The following FAM13B variants were observed in gnomAD, a reference collection of about 807,000 sequenced individuals.
The protein encoded by FAM13B is family with sequence similarity 13 member B, also known as protein FAM13B.
Under a neutral mutation model 117.3 loss-of-function variants are expected in FAM13B, and 60 were observed. The ratio of observed to expected loss-of-function variants is 0.51; its 90% CI spans 0.42 to 0.63. The LOEUF (loss-of-function observed/expected upper bound fraction) is 0.63, where lower values mean the gene tolerates loss of function less well. FAM13B is among the 30% of genes least tolerant of loss of function. The probability of loss-of-function intolerance (pLI) is 0.00; values close to 1 mark genes in which losing one functional copy is unlikely to be tolerated. For synonymous variants in FAM13B, 332 were observed against 356.1 expected, an observed-to-expected ratio of 0.93 and a Z score of 0.76; for missense variants, 972 against 1,091.9, an observed-to-expected ratio of 0.89 and a Z score of 1.55.
At chr5:138,010,957 T>TAAAA (rs35163730) in intron 6 of FAM13B, 51 bp downstream of exon 6, 1,969 of 1,075,268 alleles carry the variant, frequency 1.8e-3, no homozygotes, top group South Asian at 4.5e-3. Context: ...ATATTATTCT[T>TAAAA]AAAAAAAAAA....
At chr5:138,021,850 C>T (rs1786818030) in intron 1 of FAM13B, among the ~76,000 whole-genome samples, 1 of 152,190 alleles carries the variant, frequency 6.6e-6, no homozygotes, top group Non-Finnish European at 1.5e-5. Context: ...GGTGCATTGG[C>T]TCATGGCTAT....
intron 4 of FAM13B, among the ~76,000 whole-genome samples, chr5:138,016,613 G>A (rs114290671): frequency 0.033 from 5,039 of 152,146 alleles, 190 homozygotes; most frequent in Admixed American, 0.11. Flanking sequence ...CAGCCTGGGC[G>A]ACAGAGCAAG....
At chr5:137,961,197 G>A (rs1457762692) in intron 11 of FAM13B, among the ~76,000 whole-genome samples, 2 of 152,118 alleles carry the variant, frequency 1.3e-5, no homozygotes, top group Non-Finnish European at 1.5e-5. Flanking sequence ...CTACATTTGA[G>A]AAGCATGAAT....
At chr5:137,959,191 T>C (rs899679139) in intron 13 of FAM13B, among the ~76,000 whole-genome samples, 1 of 152,230 alleles carries the variant, frequency 6.6e-6, no homozygotes, top group African/African-American at 2.4e-5. Flanking sequence ...GAAGTACCCT[T>C]GAAGGTCATT....
chr5:138,005,244 T>C (rs1023627896), intron 7 of FAM13B, among the ~76,000 whole-genome samples: 1 of 152,070 alleles, frequency 6.6e-6, no homozygotes, highest in Non-Finnish European at 1.5e-5. Context: ...TCTCAAAAAA[T>C]AGTAATAAAT....
At chr5:138,013,921 C>T (rs1784658520) in intron 4 of FAM13B, among the ~76,000 whole-genome samples, 1 of 152,144 alleles carries the variant, frequency 6.6e-6, no homozygotes, top group African/African-American at 2.4e-5. Flanking sequence ...TCCCCTATAG[C>T]ATTTTAGTTC....
At chr5:138,003,897 G>A (rs1446763835) in intron 7 of FAM13B, among the ~76,000 whole-genome samples, 3 of 152,154 alleles carry the variant, frequency 2.0e-5, no homozygotes, top group Non-Finnish European at 4.4e-5. Context: ...TTTGACTGTA[G>A]CCCAGAATCC....
intron 1 of FAM13B, among the ~76,000 whole-genome samples, chr5:138,048,841 G>T (rs570181451): frequency 1.3e-5 from 2 of 151,492 alleles, no homozygotes; most frequent in Non-Finnish European, 2.9e-5. Flanking sequence ...TAGCATCATT[G>T]TACCCCATGC....
intron 17 of FAM13B, among the ~76,000 whole-genome samples, chr5:137,951,869 C>T (rs1217120912): frequency 1.3e-5 from 2 of 151,642 alleles, no homozygotes; most frequent in Non-Finnish European, 1.5e-5. Flanking sequence ...CCCAGCTACT[C>T]GGGAGGCTAA....
chr5:138,002,664 A>ATTTT (rs70979561), intron 7 of FAM13B, among the ~76,000 whole-genome samples: 6 of 120,326 alleles, frequency 5.0e-5, no homozygotes, highest in South Asian at 2.6e-4. Context: ...TGTTCCCTCT[A>ATTTT]TTTTTTTTTT....
chr5:138,049,714 A>G (rs1156314115), intron 1 of FAM13B, among the ~76,000 whole-genome samples: 1 of 152,226 alleles, frequency 6.6e-6, no homozygotes, highest in Non-Finnish European at 1.5e-5. Flanking sequence ...GATATTGTCC[A>G]CAGTGCTGGG....
intron 6 of FAM13B, among the ~76,000 whole-genome samples, chr5:138,009,569 T>C (rs1327568800): frequency 1.3e-5 from 2 of 148,288 alleles, no homozygotes; most frequent in South Asian, 2.1e-4. Context: ...CTTTGGGAGG[T>C]AGAGGTGGGT....
In FAM13B at chr5:137,960,167, A is replaced by C. The variant is rs752223716; in HGVS notation, c.1292T>G (p.Leu431Arg). The C allele has an allele frequency of 6.5e-7, 1 of 1,528,382 alleles. No homozygotes were observed. The highest frequency in any genetic ancestry group is 2.3e-5 in the East Asian group (1 of 43,708). The allele number at this position is 1,528,382 out of a possible 1,614,324, so 94.7% of individuals were successfully genotyped here. The change falls in exon 12 of 24, where the codon CTG becomes CGG. Residue 431 changes from leucine (L) to arginine (R), a missense_variant and splice_region_variant. By Grantham distance (102) the Leu-to-Arg change is moderately radical (BLOSUM62 -2). Transcript: ENST00000689681. ...CTAAGACAAAAAAATAGTTCTTACC[A>C]GAATCAAGTGTGACAATTTATCACT... is the stretch of plus-strand genomic sequence containing the variant. ...FDSDKLSHLI[L>R]DSSSKICDLN...
chr5:137,982,941 T>G (rs1581168405), intron 10 of FAM13B, among the ~76,000 whole-genome samples: 1 of 152,158 alleles, frequency 6.6e-6, no homozygotes, highest in South Asian at 2.1e-4. Flanking sequence ...AAATGCTGGG[T>G]GCCTAGTTGG....
At chr5:137,992,068 T>C (rs1236796188) in intron 7 of FAM13B, among the ~76,000 whole-genome samples, 1 of 151,736 alleles carries the variant, frequency 6.6e-6, no homozygotes, top group Non-Finnish European at 1.5e-5. Flanking sequence ...TACAGGCACA[T>C]GCCCAGCTAA....
rs543854026 is a variant in FAM13B at position 137,987,973 on chromosome 5, C to A, written c.890+301G>T. 8.5e-5 allele frequency among the ~76,000 whole-genome samples: 13 copies of A among 152,254 alleles called. No homozygotes were observed. The South Asian group carries it at 2.5e-3, about 29-fold the overall frequency. On this transcript the variant is annotated intron_variant, in intron 8 of 23. Transcript: ENST00000689681. ...CCTACTAACAGCAAAATGAAAGAAA[C>A]CATGAGTACTGCTCACACTTCTTAT...
At chr5:137,956,762 G>GGA (rs1023528327) in intron 13 of FAM13B, among the ~76,000 whole-genome samples, 1 of 150,454 alleles carries the variant, frequency 6.6e-6, no homozygotes, top group Non-Finnish European at 1.5e-5. Context: ...AAAAAAGGGG[G>GGA]GGGAAAACTC....
intron 10 of FAM13B, among the ~76,000 whole-genome samples, chr5:137,984,777 T>C (rs1245648598): frequency 6.7e-6 from 1 of 149,960 alleles, no homozygotes; most frequent in African/African-American, 2.5e-5. Context: ...TTTTTTTTTT[T>C]CTTTTTTTTG....
chr5:138,043,857 A>G (rs191259257), intron 1 of FAM13B, among the ~76,000 whole-genome samples: 84 of 150,410 alleles, frequency 5.6e-4, no homozygotes, highest in Admixed American at 1.3e-3. Flanking sequence ...ATTACCAGGT[A>G]TGAGCCACCA....
Sources: allele counts gnomAD v4.1 joint callset (sites outside exome capture counted in the v4.1 genomes callset), GRCh38; gene constraint gnomAD v4.1.1; transcripts MANE v1.5; gene names NCBI Gene and HGNC (gene_info 2026-07-23, HGNC 2026-07-21).